THSD7A: variants seen among roughly 807,000 people sequenced by gnomAD.
THSD7A encodes thrombospondin type 1 domain containing 7A, also known as thrombospondin type-1 domain-containing protein 7A.
THSD7A carries 96 observed loss-of-function variants against 231.3 expected under a neutral mutation model. That is an observed-to-expected ratio of 0.41 (90% CI 0.35 to 0.49). The LOEUF is 0.49. THSD7A is among the 20% of genes least tolerant of loss of function. The pLI is 0.05. For missense variants in THSD7A, 2,290 were observed against 2,070.2 expected, an observed-to-expected ratio of 1.11 and a Z score of -2.06; for synonymous variants, 940 against 743.3, an observed-to-expected ratio of 1.26 and a Z score of -4.30.
intron 1 of THSD7A, among the ~76,000 whole-genome samples, chr7:11,730,435 T>TAAA (rs919398389): frequency 1.3e-5 from 2 of 151,628 alleles, no homozygotes; most frequent in African/African-American, 4.8e-5. Context: ...TATTGTCTTA[T>TAAA]AAAAGTTCAT....
intron 1 of THSD7A, among the ~76,000 whole-genome samples, chr7:11,689,223 G>T (rs1204312395): frequency 6.6e-6 from 1 of 151,832 alleles, no homozygotes; most frequent in African/African-American, 2.4e-5. Context: ...ATTGGTTAAA[G>T]CTGCTAAAAT....
chr7:11,675,970 G>A (rs1783622157), intron 1 of THSD7A, among the ~76,000 whole-genome samples: 1 of 152,164 alleles, frequency 6.6e-6, no homozygotes, highest in South Asian at 2.1e-4. Flanking sequence ...TCCTGATGGG[G>A]AGACATCTCC....
chr7:11,798,507 A>AG (rs1335474463), intron 1 of THSD7A, among the ~76,000 whole-genome samples: 1 of 152,026 alleles, frequency 6.6e-6, no homozygotes, highest in Non-Finnish European at 1.5e-5. Flanking sequence ...ACAAAAAAAA[A>AG]AAGAGAAAGA....
chr7:11,588,693 T>A (rs1331953857), intron 4 of THSD7A, among the ~76,000 whole-genome samples: 9 of 152,070 alleles, frequency 5.9e-5, no homozygotes, highest in Non-Finnish European at 1.3e-4. Context: ...TGGAAAGCAA[T>A]AACCTACAGG....
At chr7:11,674,578 C>A (rs932917105) in intron 1 of THSD7A, among the ~76,000 whole-genome samples, 3 of 152,102 alleles carry the variant, frequency 2.0e-5, no homozygotes, top group African/African-American at 7.2e-5. Context: ...AACAAAGGAA[C>A]CTGTACAGAG....
intron 4 of THSD7A, among the ~76,000 whole-genome samples, chr7:11,560,933 A>G (rs866304309): frequency 2.6e-5 from 4 of 152,214 alleles, no homozygotes; most frequent in Admixed American, 6.5e-5. Context: ...GGTGTTTGCT[A>G]CATGCCAGGA....
rs1304676878 is a variant in THSD7A, at chr7:11,411,435, T to A, written c.3683-113A>T. 2.9e-6 allele frequency: 2 copies of A among 693,338 alleles called. No homozygotes were observed. The highest frequency in any genetic ancestry group is 2.5e-6 in the Non-Finnish European group (1 of 407,696). 42.9% of individuals were successfully genotyped at this position (693,338 alleles called of 1,614,324 possible). On this transcript the variant is annotated intron_variant, in intron 18 of 27. Transcript: ENST00000423059. This position sits in a 1 kb window ranked among gnomAD's most constrained non-coding sequence, Gnocchi z 4.1. ...ATTCACAACTGCTTCCTAAGCCCCA[T>A]AATCAATCATCCCCCATGCAGAGCA...
At chr7:11,780,693 G>A (rs1413922969) in intron 1 of THSD7A, among the ~76,000 whole-genome samples, 2 of 152,140 alleles carry the variant, frequency 1.3e-5, no homozygotes, top group African/African-American at 2.4e-5. Context: ...CTGACCCACA[G>A]AAACAATGTG....
intron 1 of THSD7A, among the ~76,000 whole-genome samples, chr7:11,728,388 A>T (rs146308271): frequency 4.9e-4 from 75 of 152,100 alleles, no homozygotes; most frequent in African/African-American, 1.8e-3. Context: ...GCAGGAGTAT[A>T]TAATCTAGAG....
chr7:11,426,568 A>C lies in THSD7A; in HGVS notation c.3249+98T>G, dbSNP rs181238818. 8.7e-4 allele frequency: 1,143 copies of C among 1,315,700 alleles called. 1 individual carries two copies. The highest frequency in any genetic ancestry group is 2.8e-3 in the Admixed American group (104 of 36,576). 81.5% of individuals were successfully genotyped at this position (1,315,700 alleles called of 1,614,324 possible). ...ATATGACATTTTCTCCCTGTAAAAC[A>C]TAAAAGACAAAGCAAGAAGAGAAAT... On this transcript the variant is annotated intron_variant, in intron 15 of 27. Coordinates refer to ENST00000423059, the MANE Select transcript of THSD7A (RefSeq NM_015204.3).
chr7:11,459,990 G>T (rs1321784290), intron 11 of THSD7A, among the ~76,000 whole-genome samples: 1 of 151,988 alleles, frequency 6.6e-6, no homozygotes, highest in Non-Finnish European at 1.5e-5. Context: ...GACTGAATTT[G>T]CTATGTCTGG....
intron 17 of THSD7A, among the ~76,000 whole-genome samples, chr7:11,414,600 A>G (rs1369757839): frequency 2.0e-5 from 3 of 152,160 alleles, no homozygotes; most frequent in Non-Finnish European, 2.9e-5. Context: ...TTCTAAATTT[A>G]TGAACCTTGT....
intron 4 of THSD7A, among the ~76,000 whole-genome samples, chr7:11,550,186 A>G (rs541375090): frequency 6.6e-6 from 1 of 152,286 alleles, no homozygotes; most frequent in African/African-American, 2.4e-5. Context: ...ATATCCATAC[A>G]CCAATAACAT....
rs568511548 is a variant in THSD7A at position 11,465,334 on chromosome 7, GTACGC to G, written c.2369-3196_2369-3192del. ...ACTTTGTTTTCATTGGAAATAACAA[GTACGC>G]GAAAAATAAGGGCACCTGCCTGTGA... On this transcript the variant is annotated intron_variant, in intron 9 of 27. Coordinates refer to ENST00000423059, the MANE Select transcript of THSD7A (RefSeq NM_015204.3). Among the ~76,000 whole-genome samples, 427 of 152,092 alleles carry G rather than the reference GTACGC, an allele frequency of 2.8e-3. 3 individuals are homozygous for G. Among genetic ancestry groups the G allele is most frequent in the African/African-American group, 9.9e-3 (409 of 41,484 alleles).
intron 4 of THSD7A, among the ~76,000 whole-genome samples, chr7:11,580,580 CA>C (rs1791112393): frequency 6.6e-6 from 1 of 152,126 alleles, no homozygotes; most frequent in Non-Finnish European, 1.5e-5. Flanking sequence ...ATATCCTTTG[CA>C]GGGACATGGA....
At chr7:11,690,563 T>C (rs1430488041) in intron 1 of THSD7A, among the ~76,000 whole-genome samples, 1 of 151,718 alleles carries the variant, frequency 6.6e-6, no homozygotes, top group Non-Finnish European at 1.5e-5. Flanking sequence ...TGTCTCGGTA[T>C]TTTGGAAGGT....
chr7:11,707,296 G>A (rs370216727), intron 1 of THSD7A, among the ~76,000 whole-genome samples: 41 of 150,958 alleles, frequency 2.7e-4, no homozygotes, highest in Admixed American at 6.6e-4. Flanking sequence ...CATAGTATTC[G>A]TCTTTGCAAG....
chr7:11,802,169 T>C (rs757508775), intron 1 of THSD7A, among the ~76,000 whole-genome samples: 8 of 152,146 alleles, frequency 5.3e-5, no homozygotes, highest in Non-Finnish European at 1.2e-4. Context: ...TAGGAAATCA[T>C]TCAAAATCCA....
chr7:11,462,603 T>C (rs1039005818), intron 9 of THSD7A, among the ~76,000 whole-genome samples: 1 of 152,234 alleles, frequency 6.6e-6, no homozygotes. Flanking sequence ...ATTTCTTTGT[T>C]ATTCATTTAA....
Sources: gnomAD v4.1 joint callset for allele counts (sites outside exome capture counted in the v4.1 genomes callset) on GRCh38, gnomAD v4.1.1 for gene constraint, Gnocchi (gnomAD v3.1) non-coding constraint, MANE v1.5 for transcripts, NCBI Gene and HGNC (gene_info 2026-07-23, HGNC 2026-07-21) for gene names.